The following FAR1 variants were observed in gnomAD, a reference collection of about 807,000 sequenced individuals.
FAR1 encodes the protein male sterility domain-containing protein 2.
FAR1 carries 22 observed loss-of-function variants against 61.1 expected under a neutral mutation model. The ratio of observed to expected loss-of-function variants is 0.36; its 90% confidence interval spans 0.26 to 0.51. FAR1 has a LOEUF of 0.51. Among genes scored for constraint, FAR1 ranks in the 20% least tolerant of loss-of-function variants. FAR1 has a pLI of 0.95. For synonymous variants in FAR1, 206 were observed against 209.7 expected, an observed-to-expected ratio of 0.98 and a Z score of 0.15; for missense variants, 359 against 626.9, an observed-to-expected ratio of 0.57 and a Z score of 4.56.
At chr11:13,713,483 A>G (rs1362582421) in intron 8 of FAR1, among the ~76,000 whole-genome samples, 2 of 152,182 alleles carry the variant, frequency 1.3e-5, no homozygotes, top group Admixed American at 6.6e-5. Context: ...AATATTTTCT[A>G]TTAACCTGTA....
At chr11:13,684,100 T>C (rs1332520681) in intron 1 of FAR1, among the ~76,000 whole-genome samples, 1 of 152,154 alleles carries the variant, frequency 6.6e-6, no homozygotes, top group African/African-American at 2.4e-5. Flanking sequence ...TCACAGGAGA[T>C]AGAAGAAGGT....
At chr11:13,723,151 G>C (rs1848629988) in intron 10 of FAR1, among the ~76,000 whole-genome samples, 1 of 151,640 alleles carries the variant, frequency 6.6e-6, no homozygotes, top group Non-Finnish European at 1.5e-5. Flanking sequence ...AATGGCTCGA[G>C]GCCAGGAGTT....
chr11:13,673,969 T>C (rs553125266), intron 1 of FAR1, among the ~76,000 whole-genome samples: 2 of 152,208 alleles, frequency 1.3e-5, no homozygotes, highest in East Asian at 3.8e-4. Flanking sequence ...TAACTCATTC[T>C]CTTTCATTAG....
At chr11:13,670,583 C>G (rs752944906) in intron 1 of FAR1, among the ~76,000 whole-genome samples, 1 of 152,110 alleles carries the variant, frequency 6.6e-6, no homozygotes, top group Non-Finnish European at 1.5e-5. Context: ...TTAGCTGCCG[C>G]GCCGGCCAAA....
chr11:13,674,992 CA>C (rs1265160150), intron 1 of FAR1, among the ~76,000 whole-genome samples: 3 of 151,480 alleles, frequency 2.0e-5, no homozygotes, highest in Non-Finnish European at 4.4e-5. Flanking sequence ...AACTTGTGGT[CA>C]GTCTTGCTTC....
At chr11:13,702,282 G>A (rs890375396) in intron 3 of FAR1, among the ~76,000 whole-genome samples, 10 of 151,988 alleles carry the variant, frequency 6.6e-5, no homozygotes, top group African/African-American at 2.4e-4. Context: ...TTTGAATGTT[G>A]CAGTTACAGG....
At chr11:13,716,035 G>T (rs1168263958) in intron 9 of FAR1, among the ~76,000 whole-genome samples, 1 of 152,140 alleles carries the variant, frequency 6.6e-6, no homozygotes, top group Non-Finnish European at 1.5e-5. Flanking sequence ...TTTAGAGCAG[G>T]TAAAGAAATA....
In FAR1 at chr11:13,731,460, A is replaced by C. The variant is rs1480904664; in HGVS notation, c.*2686A>C. On this transcript the variant is annotated 3_prime_UTR_variant, in exon 12 of 12. Coordinates refer to ENST00000354817, the MANE Select transcript of FAR1 (RefSeq NM_032228.6). The stretch of plus-strand genomic sequence containing the variant: ...AGCATTATTGGGTGCCTTTGTTTGT[A>C]AACCAAAAAGTAATAAATGAATCCC... The C allele has an allele frequency of 6.6e-6, 1 of 152,542 alleles. No individual in the cohort carries two copies. The highest frequency in any genetic ancestry group is 1.5e-5 in the Non-Finnish European group (1 of 68,010). The allele number at this position is 152,542 out of a possible 1,614,324, so 9.4% of individuals were successfully genotyped here.
rs1194388639 is a variant in FAR1, at chr11:13,703,711, AATAG to A, written c.365+3224_365+3227del. On this transcript the variant is annotated intron_variant, in intron 3 of 11. Transcript: ENST00000354817. ...TTCCTAAATCTTGAGACAGGAGAAA[AATAG>A]ATAGGCTTAGGATTCATAAGGAAAT... 1.2e-4 allele frequency among the ~76,000 whole-genome samples: 19 copies of A among 152,336 alleles called. 1 individual carries two copies. The South Asian group carries it at 1.9e-3, about 15-fold the overall frequency.
At chr11:13,670,600 C>A (rs889922472) in intron 1 of FAR1, among the ~76,000 whole-genome samples, 1 of 152,044 alleles carries the variant, frequency 6.6e-6, no homozygotes, top group East Asian at 1.9e-4. Context: ...CAAAATTATT[C>A]CATAAATTTA....
intron 10 of FAR1, among the ~76,000 whole-genome samples, chr11:13,722,505 C>T (rs1188700305): frequency 2.0e-5 from 3 of 150,414 alleles, no homozygotes; most frequent in Non-Finnish European, 3.0e-5. Flanking sequence ...GATAGAGTTT[C>T]GTTCTGTGCC....
At chr11:13,685,888 T>C (rs1186963622) in intron 1 of FAR1, among the ~76,000 whole-genome samples, 1 of 152,196 alleles carries the variant, frequency 6.6e-6, no homozygotes, top group Non-Finnish European at 1.5e-5. Flanking sequence ...GCTGAGGCCT[T>C]GTAGTGGAGA....
chr11:13,723,419 T>TG, intron 10 of FAR1: 1 of 410,990 alleles, frequency 2.4e-6, no homozygotes, highest in South Asian at 1.8e-5. Context: ...TATTCTGTCT[T>TG]ACATTTTTGC....
In FAR1 at chr11:13,721,700, A is replaced by G. The variant is rs973997993; in HGVS notation, c.1128-30A>G. On this transcript the variant is annotated intron_variant, in intron 9 of 11. Transcript: ENST00000354817. The surrounding 1 kb of genome is among the most constrained non-coding windows in gnomAD (Gnocchi z 4.2). ...GGATTTTTCCTAATCTATACAAAATATGAATCTGTCCATTTTTCTTACAAT... is the reference window on the plus strand; with the variant it reads ...GGATTTTTCCTAATCTATACAAAATGTGAATCTGTCCATTTTTCTTACAAT... The G allele has an allele frequency of 6.2e-7, 1 of 1,601,680 alleles. No homozygotes were observed. The highest frequency in any genetic ancestry group is 1.1e-5 in the South Asian group (1 of 89,076).
intron 4 of FAR1, among the ~76,000 whole-genome samples, chr11:13,709,627 TC>T (rs1045414535): frequency 2.6e-5 from 4 of 152,100 alleles, no homozygotes; most frequent in Non-Finnish European, 5.9e-5. Context: ...GGTTTTTTTT[TC>T]CTCATGTATC....
intron 8 of FAR1, among the ~76,000 whole-genome samples, chr11:13,713,600 A>G (rs939026767): frequency 2.0e-5 from 3 of 152,268 alleles, no homozygotes; most frequent in South Asian, 2.1e-4. Context: ...AATTGAGTCA[A>G]TTTTAAATTG....
chr11:13,710,371 CA>C (rs1372511953), intron 4 of FAR1, among the ~76,000 whole-genome samples: 1 of 151,918 alleles, frequency 6.6e-6, no homozygotes, highest in African/African-American at 2.4e-5. Context: ...TGATCAAATA[CA>C]TGTAAAATAT....
At position 13,729,376 on chromosome 11, in the gene FAR1, ATAAG is replaced by A. The variant is rs1033422641; in HGVS notation, c.*606_*609del. On this transcript the variant is annotated 3_prime_UTR_variant, in exon 12 of 12. Transcript: ENST00000354817. Reference sequence around the variant, plus strand: ...AACGTCTGATGCATATCATTTTTCTATAAGTAATCAGTTGCTTTTAAAATCAGAA... The same window carrying A: ...AACGTCTGATGCATATCATTTTTCTATAATCAGTTGCTTTTAAAATCAGAA... The A allele has an allele frequency of 6.6e-6, 1 of 151,912 alleles. No individual in the cohort carries two copies. Among genetic ancestry groups the A allele is most frequent in the Non-Finnish European group, 1.5e-5 (1 of 67,828 alleles). The allele number at this position is 151,912 out of a possible 1,614,324, so 9.4% of individuals were successfully genotyped here.
intron 3 of FAR1, among the ~76,000 whole-genome samples, chr11:13,703,608 T>C (rs555261208): frequency 9.8e-5 from 15 of 152,322 alleles, no homozygotes; most frequent in Admixed American, 9.8e-4. Context: ...AAAATAAGGA[T>C]GTATTAAGGA....
Sources: gnomAD v4.1 joint callset for allele counts (sites outside exome capture counted in the v4.1 genomes callset) on GRCh38, gnomAD v4.1.1 for gene constraint, Gnocchi (gnomAD v3.1) non-coding constraint, MANE v1.5 for transcripts, NCBI Gene and HGNC (gene_info 2026-07-23, HGNC 2026-07-21) for gene names.